PRH1: variants seen among roughly 807,000 people sequenced by gnomAD.
PRH1 encodes the protein proline rich protein HaeIII subfamily 1, also known as salivary acidic proline-rich phosphoprotein 1/2.
A neutral mutation model predicts 7.9 loss-of-function variants in PRH1; 7 were observed. The observed-to-expected ratio is 0.89, with a 90% CI of 0.50 to 1.67. PRH1 has a LOEUF of 1.67. PRH1 is among the 40% of genes most tolerant of loss of function. The pLI is 0.00. For synonymous variants in PRH1, 45 were observed against 80.8 expected (o/e 0.56, Z 2.38); for missense variants, 109 against 223.6 (o/e 0.49, Z 3.27).
intron 2 of PRH1, among the ~76,000 whole-genome samples, chr12:10,904,434 T>C (rs1247413992): frequency 6.6e-6 from 1 of 152,110 alleles, no homozygotes; most frequent in Non-Finnish European, 1.5e-5. Context: ...GGGAAAGGAC[T>C]CTGTATTCAG....
chr12:11,011,368 A>T (rs568213874), intron 1 of PRH1, among the ~76,000 whole-genome samples: 1 of 152,130 alleles, frequency 6.6e-6, no homozygotes, highest in African/African-American at 2.4e-5. Flanking sequence ...TTTATGGAGA[A>T]CACAATAATT....
intron 1 of PRH1, among the ~76,000 whole-genome samples, chr12:10,974,547 T>G (rs576167229): frequency 6.6e-6 from 1 of 152,036 alleles, no homozygotes; most frequent in African/African-American, 2.4e-5. Flanking sequence ...CCCCAAAATC[T>G]ACCATAAACA....
chr12:11,134,827 CAGGCAGGCCAATACTCCATA>C (rs1250955537), intron 1 of PRH1, among the ~76,000 whole-genome samples: 5 of 152,252 alleles, frequency 3.3e-5, no homozygotes, highest in Non-Finnish European at 5.9e-5. Context: ...TTGAGAACCA[CAGGCAGGCCAATACTCCATA>C]AGATCTGGTT....
At chr12:11,135,819 A>G (rs1281645201) in intron 1 of PRH1, among the ~76,000 whole-genome samples, 1 of 152,070 alleles carries the variant, frequency 6.6e-6, no homozygotes, top group African/African-American at 2.4e-5. Flanking sequence ...TCTTACTTCA[A>G]CTCTCTTAGA....
chr12:10,908,310 A>G, intron 2 of PRH1: 1 of 1,372,466 alleles, frequency 7.3e-7, no homozygotes, highest in Non-Finnish European at 9.9e-7. Context: ...TATCTTTTAA[A>G]CTCCTTGTAG....
intron 2 of PRH1, among the ~76,000 whole-genome samples, chr12:10,902,683 C>T (rs747579761): frequency 3.3e-5 from 5 of 152,104 alleles, no homozygotes. Context: ...CAGCAGAAAC[C>T]TTACAAGCCA....
intron 3 of PRH1, 107 bp downstream of exon 3, chr12:10,882,110 T>A: frequency 6.5e-7 from 1 of 1,549,360 alleles, no homozygotes; most frequent in Non-Finnish European, 8.7e-7. Flanking sequence ...AGAAATGTGT[T>A]CCAGGACAGG....
chr12:10,885,498 C>T (rs1949477315), upstream of PRH1, among the ~76,000 whole-genome samples: 1 of 151,920 alleles, frequency 6.6e-6, no homozygotes. Context: ...TATAATTTGA[C>T]AATAAAAAAT....
chr12:11,005,915 T>G (rs1364931360), intron 1 of PRH1: 4 of 152,146 alleles, frequency 2.6e-5, no homozygotes. Flanking sequence ...ATATGTATTT[T>G]CCACTGAAGA....
At chr12:10,913,723 A>C (rs1276325138) in intron 2 of PRH1, among the ~76,000 whole-genome samples, 3 of 152,160 alleles carry the variant, frequency 2.0e-5, no homozygotes, top group African/African-American at 7.2e-5. Context: ...TTGGTCAATA[A>C]AATATTGTGG....
chr12:11,078,409 T>C (rs796847016), intron 1 of PRH1: 56,314 of 142,622 alleles, frequency 0.39, 9,951 homozygotes, highest in Non-Finnish European at 0.46. Flanking sequence ...CAGCCTATGC[T>C]AATGGATGAG....
chr12:11,068,932 T>G (rs9697359), intron 1 of PRH1, among the ~76,000 whole-genome samples: 2 of 120,234 alleles, frequency 1.7e-5, no homozygotes, highest in Non-Finnish European at 3.7e-5. Flanking sequence ...TTTTGAGACA[T>G]GGTCTCACTC....
intron 1 of PRH1, among the ~76,000 whole-genome samples, chr12:11,103,813 G>GT (rs1945327915): frequency 6.6e-6 from 1 of 151,780 alleles, no homozygotes; most frequent in African/African-American, 2.4e-5. Context: ...AATGTTAGTG[G>GT]CATTACTGTT....
At chr12:11,051,215 T>C (rs1038516635), upstream of PRH1, among the ~76,000 whole-genome samples, 1 of 152,214 alleles carries the variant, frequency 6.6e-6, no homozygotes, top group Non-Finnish European at 1.5e-5. Context: ...TTTTGTCACA[T>C]GAAGTAGATA....
chr12:10,982,799 A>T (rs1454896621), intron 1 of PRH1, among the ~76,000 whole-genome samples: 2 of 152,036 alleles, frequency 1.3e-5, no homozygotes, highest in Admixed American at 1.3e-4. Flanking sequence ...GATGAAGTTT[A>T]TAGGGGTCCA....
intron 2 of PRH1, among the ~76,000 whole-genome samples, chr12:10,953,824 G>C (rs1937810948): frequency 6.6e-6 from 1 of 152,048 alleles, no homozygotes. Flanking sequence ...GATTCTCCAA[G>C]GCGAAAATGA....
intron 2 of PRH1, among the ~76,000 whole-genome samples, chr12:10,952,856 C>T (rs1937751696): frequency 6.6e-6 from 1 of 152,130 alleles, no homozygotes. Context: ...TGTTAACAAG[C>T]TTGCGTTACA....
intron 1 of PRH1, among the ~76,000 whole-genome samples, chr12:11,041,058 A>C (rs1942685896): frequency 1.3e-5 from 2 of 152,064 alleles, no homozygotes; most frequent in South Asian, 4.1e-4. Flanking sequence ...AGACTACAAC[A>C]TAACCAGAAA....
At chr12:10,947,036 T>C (rs1425090937) in intron 2 of PRH1, among the ~76,000 whole-genome samples, 1 of 152,204 alleles carries the variant, frequency 6.6e-6, no homozygotes, top group African/African-American at 2.4e-5. Flanking sequence ...TTGAGGATTG[T>C]TTTATATCCA....
Sources: allele counts gnomAD v4.1 joint callset (sites outside exome capture counted in the v4.1 genomes callset), GRCh38; gene constraint gnomAD v4.1.1; transcripts MANE v1.5; gene names NCBI Gene and HGNC (gene_info 2026-07-23, HGNC 2026-07-21).